LRRC42: variants seen among roughly 807,000 people sequenced by gnomAD.
LRRC42 encodes the protein leucine-rich repeat-containing protein 42.
A neutral mutation model predicts 44.3 loss-of-function variants in LRRC42; 43 were observed. That is an observed-to-expected ratio of 0.97 (90% CI 0.76 to 1.25). The LOEUF is 1.25. Ranked by LOEUF, LRRC42 falls within the 50% of genes most tolerant of loss-of-function variation. The probability of loss-of-function intolerance (pLI) is 0.00; values close to 1 mark genes in which losing one functional copy is unlikely to be tolerated. For missense variants in LRRC42, 540 were observed against 509.1 expected, an observed-to-expected ratio of 1.06 and a Z score of -0.58; for synonymous variants, 207 against 195.2, an observed-to-expected ratio of 1.06 and a Z score of -0.50.
At chr1:53,965,392 ATTTAAAG>A (rs970810646) in intron 7 of LRRC42, among the ~76,000 whole-genome samples, 12 of 147,578 alleles carry the variant, frequency 8.1e-5, no homozygotes, top group African/African-American at 3.2e-4. Context: ...CAAATATTAA[ATTTAAAG>A]TTCTTGTTAT....
Position 53,952,073 on chromosome 1 carries a change from A to G in LRRC42, c.74A>G (p.His25Arg). 1.2e-6 allele frequency: 2 copies of G among 1,614,242 alleles called. No individual in the cohort carries two copies. Among genetic ancestry groups the G allele is most frequent in the Non-Finnish European group, 1.7e-6 (2 of 1,180,026 alleles). The change falls in exon 3 of 9, where the codon CAC becomes CGC. Residue 25 changes from histidine to arginine, a missense_variant. By Grantham distance (29) the His-to-Arg change is conservative. Coordinates refer to ENST00000371370, the MANE Select transcript of LRRC42 (RefSeq NM_001256409.2). Reference protein sequence around the residue: ...PIYMRENGQLHMVNLALDGVR... With the variant: ...PIYMRENGQLRMVNLALDGVR... ...TACATGCGAGAAAATGGGCAGCTGC[A>G]CATGGTCAATCTGGCTCTGGATGGT...
rs750558926 is a variant in LRRC42 at position 53,960,326 on chromosome 1, G to A, written c.606-30G>A. On this transcript the variant is annotated intron_variant, in intron 4 of 8. Transcript: ENST00000371370. ...CTAGATTGTCTCAAACTCTCTTTGA[G>A]TAATTTATGTATGTACTTTGTTTCC... 3 of 1,464,460 alleles carry A rather than the reference G, an allele frequency of 2.0e-6. 1 individual carries two copies. In the South Asian group the frequency reaches 3.6e-5, roughly 18 times the overall value. 90.7% of individuals were successfully genotyped at this position (1,464,460 alleles called of 1,614,324 possible).
chr1:53,949,088 A>AAAACAAAC (rs1331793213), intron 2 of LRRC42, among the ~76,000 whole-genome samples: 1 of 152,206 alleles, frequency 6.6e-6, no homozygotes, highest in African/African-American at 2.4e-5. Context: ...AATCTAAAGA[A>AAAACAAAC]AAACAAACAA....
At chr1:53,962,258 A>C in intron 6 of LRRC42, 38 bp from the exon 7 acceptor site, 1 of 1,533,380 alleles carries the variant, frequency 6.5e-7, no homozygotes. Context: ...GAATTAACCA[A>C]ATGTATTTGC....
intron 2 of LRRC42, among the ~76,000 whole-genome samples, chr1:53,950,747 C>G (rs1654652641): frequency 6.6e-6 from 1 of 152,148 alleles, no homozygotes; most frequent in Admixed American, 6.5e-5. Context: ...AGGAGGAAAA[C>G]AAGTATTCCA....
rs537944981 is a variant in LRRC42 at position 53,958,947 on chromosome 1, G to A, written c.605+667G>A. Reference sequence around the variant, plus strand: ...GTTGTCCAGGCTGGAGTGCAGTGGCGTGATCTTGGCCCACTGCAACCTCCA... The same window carrying A: ...GTTGTCCAGGCTGGAGTGCAGTGGCATGATCTTGGCCCACTGCAACCTCCA... On this transcript the variant is annotated intron_variant, in intron 4 of 8. Transcript: ENST00000371370. Among the ~76,000 whole-genome samples, 19 of 151,700 alleles carry A rather than the reference G, an allele frequency of 1.3e-4. No homozygotes were observed. The South Asian group carries it at 2.1e-3, about 17-fold the overall frequency.
chr1:53,950,840 A>G (rs1003567157), intron 2 of LRRC42, among the ~76,000 whole-genome samples: 5 of 152,226 alleles, frequency 3.3e-5, no homozygotes, highest in Non-Finnish European at 1.5e-5. Context: ...AACTGCCCTA[A>G]TAGAACTTTA....
Position 53,958,217 on chromosome 1 carries a change from CCT to C in LRRC42, c.543_544del (p.Cys182LeufsTer6). 6.2e-7 allele frequency: 1 copy of C among 1,613,852 alleles called. No individual in the cohort carries two copies. Among genetic ancestry groups the C allele is most frequent in the South Asian group, 1.1e-5 (1 of 91,072 alleles). ...CGGGAGCTGACCTGCCTGGATCTTT[CCT>C]GTTGCAAGCTTGGAGATGAGCATGA... On this transcript the variant is annotated frameshift_variant, in exon 4 of 9. Transcript: ENST00000371370. LOFTEE classifies it high-confidence loss of function.
At chr1:53,963,776 C>T (rs1212713553) in intron 7 of LRRC42, among the ~76,000 whole-genome samples, 1 of 152,222 alleles carries the variant, frequency 6.6e-6, no homozygotes, top group East Asian at 1.9e-4. Flanking sequence ...ATTTCTGTCT[C>T]AGAATTTCTC....
intron 2 of LRRC42, 112 bp downstream of exon 2, chr1:53,947,933 G>T (rs1307778273): frequency 1.3e-5 from 2 of 152,206 alleles, no homozygotes; most frequent in East Asian, 3.9e-4. Context: ...GGAGTAATGC[G>T]GCCCTGAGAT....
intron 2 of LRRC42, among the ~76,000 whole-genome samples, chr1:53,948,499 T>G (rs1654587607): frequency 6.6e-6 from 1 of 152,260 alleles, no homozygotes; most frequent in South Asian, 2.1e-4. Flanking sequence ...GGTGACCAAA[T>G]GCTAGAACAT....
chr1:53,957,022 G>A lies in LRRC42; in HGVS notation c.474-1127G>A, dbSNP rs75878336. 9.3e-3 allele frequency among the ~76,000 whole-genome samples: 1,421 copies of A among 152,292 alleles called. 28 individuals carry two copies. The highest frequency in any genetic ancestry group is 0.033 in the African/African-American group (1,355 of 41,562). ...AGGCACCTTAGGTTCCACCCTTTAAGGGGGTATCAGTGCCTCAGACCATCT... is the reference window on the plus strand; with the variant it reads ...AGGCACCTTAGGTTCCACCCTTTAAAGGGGTATCAGTGCCTCAGACCATCT... On this transcript the variant is annotated intron_variant, in intron 3 of 8. Transcript: ENST00000371370.
In LRRC42 at chr1:53,968,162, T is replaced by C. The variant is rs1655181932; in HGVS notation, c.*223T>C. 4.2e-6 allele frequency: 2 copies of C among 472,324 alleles called. No homozygotes were observed. Among genetic ancestry groups the C allele is most frequent in the Non-Finnish European group, 7.6e-6 (2 of 263,808 alleles). The allele number at this position is 472,324 out of a possible 1,614,324, so 29.3% of individuals were successfully genotyped here. On this transcript the variant is annotated 3_prime_UTR_variant, in exon 9 of 9. Transcript: ENST00000371370. The stretch of plus-strand genomic sequence containing the variant: ...TTTTTTCAAATAAACATTTTTGCTG[T>C]CCTTAAGTTCTGCTTGTGGATTATA...
chr1:53,947,625 TCTC>T (rs1224680806), intron 1 of LRRC42, among the ~76,000 whole-genome samples, 160 bp from the exon 2 acceptor site: 3 of 152,158 alleles, frequency 2.0e-5, no homozygotes, highest in African/African-American at 7.2e-5. Flanking sequence ...TGGCAGATGT[TCTC>T]CTGGTATATG....
rs144857430 is a variant in LRRC42 at position 53,948,523 on chromosome 1, A to G, written c.-15+702A>G. 2.7e-4 allele frequency among the ~76,000 whole-genome samples: 41 copies of G among 152,200 alleles called. 1 individual carries two copies. In the East Asian group the frequency reaches 5.0e-3, roughly 19 times the overall value. ...ATGCTAGAACATACATGATTGTAAT[A>G]TTTTTCTATGCTGTCGTATGGGTTA... On this transcript the variant is annotated intron_variant, in intron 2 of 8. Coordinates refer to ENST00000371370, the MANE Select transcript of LRRC42 (RefSeq NM_001256409.2).
In LRRC42 at chr1:53,960,188, C is replaced by T. The variant is rs573592173; in HGVS notation, c.606-168C>T. On this transcript the variant is annotated intron_variant, in intron 4 of 8. Transcript: ENST00000371370. ...GTGCTGACATTACAAGCATGAGCCACCATGCCCAGCCCAAAAGAGCTTAAC... is the reference window on the plus strand; with the variant it reads ...GTGCTGACATTACAAGCATGAGCCATCATGCCCAGCCCAAAAGAGCTTAAC... 2.0e-5 allele frequency among the ~76,000 whole-genome samples: 3 copies of T among 152,288 alleles called. No homozygotes were observed. The East Asian group carries it at 5.8e-4, about 29-fold the overall frequency.
chr1:53,961,849 G>T, intron 5 of LRRC42, 185 bp from the exon 6 acceptor site: 1 of 570,110 alleles, frequency 1.8e-6, no homozygotes, highest in South Asian at 2.3e-5. Context: ...GGATCATTGA[G>T]TGTGGCTCTT....
At chr1:53,957,085 T>C (rs1557646038) in intron 3 of LRRC42, among the ~76,000 whole-genome samples, 1 of 152,206 alleles carries the variant, frequency 6.6e-6, no homozygotes, top group Non-Finnish European at 1.5e-5. Context: ...TTTGAGTACA[T>C]CTTTTTTTGG....
chr1:53,964,690 T>A (rs1371912772), intron 7 of LRRC42, among the ~76,000 whole-genome samples: 2 of 152,204 alleles, frequency 1.3e-5, no homozygotes, highest in Non-Finnish European at 2.9e-5. Context: ...TGCCAGACAC[T>A]GTGCTAAACT....
Sources: gnomAD v4.1 joint callset for allele counts (sites outside exome capture counted in the v4.1 genomes callset) on GRCh38, gnomAD v4.1.1 for gene constraint, MANE v1.5 for transcripts, NCBI Gene and HGNC (gene_info 2026-07-23, HGNC 2026-07-21) for gene names.